Variants in GPC5 observed in about 807,000 individuals in gnomAD.
GPC5 encodes the protein glypican 5, also known as glypican-5.
GPC5 carries 47 observed loss-of-function variants against 53.9 expected under a neutral mutation model. That is an observed-to-expected ratio of 0.87 (90% CI 0.69 to 1.11). GPC5 has a LOEUF of 1.11. Ranked by LOEUF, GPC5 falls within the 50% of genes most tolerant of loss-of-function variation. The pLI is 0.00. For missense variants in GPC5, 748 were observed against 713.1 expected, an observed-to-expected ratio of 1.05 and a Z score of -0.56; for synonymous variants, 286 against 263.3, an observed-to-expected ratio of 1.09 and a Z score of -0.84.
At chr13:91,716,570 T>C (rs1212087861) in intron 3 of GPC5, among the ~76,000 whole-genome samples, 1 of 152,256 alleles carries the variant, frequency 6.6e-6, no homozygotes, top group Non-Finnish European at 1.5e-5. Flanking sequence ...TGTTCATTTA[T>C]TTTTTATTTG....
At chr13:92,375,432 T>G (rs941242837) in intron 7 of GPC5, among the ~76,000 whole-genome samples, 1 of 152,160 alleles carries the variant, frequency 6.6e-6, no homozygotes, top group Non-Finnish European at 1.5e-5. Flanking sequence ...AGCCTTTCAG[T>G]AAAGAAATGC....
At chr13:91,661,201 G>A (rs1223685388) in intron 2 of GPC5, among the ~76,000 whole-genome samples, 1 of 152,052 alleles carries the variant, frequency 6.6e-6, no homozygotes, top group Non-Finnish European at 1.5e-5. Flanking sequence ...TGCGGTGAAG[G>A]GACATCACCC....
rs570144574 is a variant in GPC5, at chr13:92,295,236, G to A, written c.1561+150247G>A. The stretch of plus-strand genomic sequence containing the variant: ...TTGCATCACTATTGTCATTCAGTTC[G>A]AAAAGTTTTTAAATTTCTATCCTGA... On this transcript the variant is annotated intron_variant, in intron 7 of 7. Coordinates refer to ENST00000377067, the MANE Select transcript of GPC5 (RefSeq NM_004466.6). Among the ~76,000 whole-genome samples, 9 of 152,234 alleles carry A rather than the reference G, an allele frequency of 5.9e-5. No homozygotes were observed. The East Asian group carries it at 7.7e-4, about 13-fold the overall frequency.
At position 92,332,148 on chromosome 13, in the gene GPC5, C is replaced by A. The variant is rs559632857; in HGVS notation, c.1561+187159C>A. On this transcript the variant is annotated intron_variant, in intron 7 of 7. Transcript: ENST00000377067. ...TCTTTGGTGATAATAACTTTGAAAT[C>A]CTTCAGATTTTTAAATAATATATTT... Among the ~76,000 whole-genome samples the A allele has an allele frequency of 2.0e-5, 3 of 152,254 alleles. No individual in the cohort carries two copies. In the East Asian group the frequency reaches 5.8e-4, roughly 29 times the overall value.
chr13:92,133,732 A>G (rs2041762872), intron 6 of GPC5, among the ~76,000 whole-genome samples: 1 of 152,296 alleles, frequency 6.6e-6, no homozygotes, highest in Middle Eastern at 3.4e-3. Context: ...GTTGAGTGAC[A>G]CAAATCTTGT....
intron 6 of GPC5, among the ~76,000 whole-genome samples, chr13:91,914,392 C>T (rs1404816445): frequency 6.6e-6 from 1 of 151,900 alleles, no homozygotes; most frequent in African/African-American, 2.4e-5. Flanking sequence ...ATTCAAATAA[C>T]ATAAGAGTAT....
intron 7 of GPC5, among the ~76,000 whole-genome samples, chr13:92,802,130 G>A (rs1265893295): frequency 1.3e-5 from 2 of 151,704 alleles, no homozygotes; most frequent in African/African-American, 4.8e-5. Flanking sequence ...CCCTACACAG[G>A]TGTACCATTT....
chr13:92,319,362 T>A (rs2043200496), intron 7 of GPC5, among the ~76,000 whole-genome samples: 1 of 150,944 alleles, frequency 6.6e-6, no homozygotes, highest in Non-Finnish European at 1.5e-5. Context: ...TTGTTACAAT[T>A]TGGGGCCAAT....
intron 7 of GPC5, among the ~76,000 whole-genome samples, chr13:92,644,314 T>C (rs1885694930): frequency 6.6e-6 from 1 of 152,162 alleles, no homozygotes; most frequent in Non-Finnish European, 1.5e-5. Flanking sequence ...TCTAATAGGA[T>C]CTATTTTGAC....
intron 7 of GPC5, among the ~76,000 whole-genome samples, chr13:92,643,176 C>T (rs60377896): frequency 6.6e-6 from 1 of 151,916 alleles, no homozygotes; most frequent in Non-Finnish European, 1.5e-5. Flanking sequence ...TTGTAGGTTG[C>T]CTGTTCACTC....
chr13:92,399,842 A>G (rs1037057636), intron 7 of GPC5, among the ~76,000 whole-genome samples: 1 of 152,158 alleles, frequency 6.6e-6, no homozygotes, highest in Non-Finnish European at 1.5e-5. Flanking sequence ...CAACTAAAAA[A>G]CTAAGTTAAT....
At chr13:92,561,353 G>A (rs759144906) in intron 7 of GPC5, among the ~76,000 whole-genome samples, 3 of 152,012 alleles carry the variant, frequency 2.0e-5, no homozygotes, top group Non-Finnish European at 4.4e-5. Context: ...GGTTGAGCGC[G>A]TGGTCTCTGG....
intron 2 of GPC5, among the ~76,000 whole-genome samples, chr13:91,551,755 A>T (rs1226553787): frequency 6.6e-6 from 1 of 152,110 alleles, no homozygotes; most frequent in African/African-American, 2.4e-5. Flanking sequence ...GAATTGATTT[A>T]ATGAGAATGT....
At chr13:91,879,462 C>A (rs990227763) in intron 5 of GPC5, among the ~76,000 whole-genome samples, 2 of 152,114 alleles carry the variant, frequency 1.3e-5, no homozygotes, top group African/African-American at 4.8e-5. Context: ...CTCACAATTC[C>A]AGGGGCTGGG....
chr13:91,904,524 A>C (rs1278216246), intron 5 of GPC5, among the ~76,000 whole-genome samples: 1 of 151,992 alleles, frequency 6.6e-6, no homozygotes, highest in East Asian at 1.9e-4. Context: ...TGTTCCTTGC[A>C]GCACACTTTA....
rs563008635 is a variant in GPC5 at position 92,089,601 on chromosome 13, C to T, written c.1402-55229C>T. Among the ~76,000 whole-genome samples, 73 of 152,050 alleles carry T rather than the reference C, an allele frequency of 4.8e-4. 1 individual carries two copies. Among genetic ancestry groups the T allele is most frequent in the African/African-American group, 1.6e-3 (67 of 41,478 alleles). ...GAAATCATAAGATGTATTTGTTCAA[C>T]CAAATCTTACAGTAAAGCAGTATAA... On this transcript the variant is annotated intron_variant, in intron 6 of 7. Coordinates refer to ENST00000377067, the MANE Select transcript of GPC5 (RefSeq NM_004466.6).
intron 7 of GPC5, among the ~76,000 whole-genome samples, chr13:92,810,557 C>T (rs1042547386): frequency 6.6e-6 from 1 of 151,666 alleles, no homozygotes; most frequent in Non-Finnish European, 1.5e-5. Flanking sequence ...TTTTACTGTC[C>T]CAAACAAGAA....
intron 2 of GPC5, among the ~76,000 whole-genome samples, chr13:91,622,008 G>A (rs963697778): frequency 5.9e-5 from 9 of 151,870 alleles, no homozygotes; most frequent in African/African-American, 1.5e-4. Flanking sequence ...CTTGGAGTCC[G>A]ATGTTCAAGA....
At chr13:92,830,614 G>A (rs146309473) in intron 7 of GPC5, among the ~76,000 whole-genome samples, 1 of 152,048 alleles carries the variant, frequency 6.6e-6, no homozygotes, top group Non-Finnish European at 1.5e-5. Flanking sequence ...CTTAAAGCAT[G>A]GGATTTTTTT....
Sources: gnomAD v4.1 joint callset for allele counts (sites outside exome capture counted in the v4.1 genomes callset) on GRCh38, gnomAD v4.1.1 for gene constraint, MANE v1.5 for transcripts, NCBI Gene and HGNC (gene_info 2026-07-23, HGNC 2026-07-21) for gene names.